NCAPH2: variants seen among roughly 807,000 people sequenced by gnomAD.
NCAPH2 encodes the protein condensin-2 complex subunit H2.
Under a neutral mutation model 88.6 loss-of-function variants are expected in NCAPH2, and 56 were observed. That is an observed-to-expected ratio of 0.63 (90% CI 0.51 to 0.79). NCAPH2 has a LOEUF of 0.79. Ranked by LOEUF, NCAPH2 falls within the 30% of genes least tolerant of loss-of-function variation. The pLI is 0.00. For missense variants in NCAPH2, 794 were observed against 792.0 expected (o/e 1.00, Z -0.03); for synonymous variants, 378 against 313.6 (o/e 1.21, Z -2.17).
intron 1 of NCAPH2, among the ~76,000 whole-genome samples, chr22:50,509,007 C>T (rs374560652): frequency 3.9e-5 from 6 of 152,332 alleles, no homozygotes; most frequent in East Asian, 3.9e-4. Flanking sequence ...TGTTTCTTGT[C>T]TTGATCAGCA....
At chr22:50,511,470 T>C (rs1318735489) in intron 1 of NCAPH2, among the ~76,000 whole-genome samples, 1 of 141,510 alleles carries the variant, frequency 7.1e-6, no homozygotes, top group Non-Finnish European at 1.5e-5. Context: ...TTTGTATTTT[T>C]TTAGTAGAGA....
At chr22:50,510,817 C>G (rs6009976) in intron 1 of NCAPH2, among the ~76,000 whole-genome samples, 1 of 151,850 alleles carries the variant, frequency 6.6e-6, no homozygotes, top group Admixed American at 6.6e-5. Context: ...CAGCACCTTA[C>G]ACACTTTAGA....
Position 50,508,417 on chromosome 22 carries a change from C to A in NCAPH2, c.80C>A (p.Ala27Glu). The A allele has an allele frequency of 7.7e-7, 1 of 1,306,540 alleles. No individual in the cohort carries two copies. The highest frequency in any genetic ancestry group is 3.3e-5 in the Admixed American group (1 of 29,920). The allele number at this position is 1,306,540 out of a possible 1,614,324, so 80.9% of individuals were successfully genotyped here. A position where few individuals can be genotyped will look rare whatever the true frequency, so the allele number is the denominator to read the frequency against. ...DLTKNWEVDV[A>E]AQLGEYLEEL... ...ACCAAGAACTGGGAGGTGGACGTGGCGGCCCAGCTGGGCGAGTATCTGGAG... is the reference window on the plus strand; with the variant it reads ...ACCAAGAACTGGGAGGTGGACGTGGAGGCCCAGCTGGGCGAGTATCTGGAG... Residue 27 changes from alanine to glutamate, a missense_variant, in exon 1 of 20, where the codon GCG becomes GAG. By Grantham distance (107) the Ala-to-Glu change is moderately radical. Transcript: ENST00000420993.
At chr22:50,522,439 G>T in intron 15 of NCAPH2, 24 bp downstream of exon 15, 1 of 1,612,556 alleles carries the variant, frequency 6.2e-7, no homozygotes, top group African/African-American at 1.3e-5. Flanking sequence ...AGGGGGTGGG[G>T]TGGGGCTTGG....
rs3829984 is a variant in NCAPH2 at position 50,508,269 on chromosome 22, C to A, written c.-69C>A. ...AGCAAAATGGCGCCAGAACTAGTGG[C>A]GGGCTGAGGACGCCGTACCCCTCGG... On this transcript the variant is annotated 5_prime_UTR_variant, in exon 1 of 20. Coordinates refer to ENST00000420993, the MANE Select transcript of NCAPH2 (RefSeq NM_152299.4). 8.5e-7 allele frequency: 1 copy of A among 1,175,380 alleles called. No homozygotes were observed. Among genetic ancestry groups the A allele is most frequent in the East Asian group, 3.2e-5 (1 of 31,682 alleles). The allele number at this position is 1,175,380 out of a possible 1,614,324, so 72.8% of individuals were successfully genotyped here.
intron 1 of NCAPH2, among the ~76,000 whole-genome samples, chr22:50,508,941 T>C (rs563124371): frequency 1.3e-5 from 2 of 152,312 alleles, no homozygotes; most frequent in East Asian, 1.9e-4. Flanking sequence ...TGCTCCATAT[T>C]TGCGCTTCAT....
intron 9 of NCAPH2, 194 bp from the exon 10 acceptor site, chr22:50,520,771 C>G: frequency 1.7e-6 from 1 of 574,228 alleles, no homozygotes. Flanking sequence ...CCATGTTGGC[C>G]AGGCTGGTCT....
chr22:50,521,646 T>C lies in NCAPH2; in HGVS notation c.1000+37T>C, dbSNP rs758906016. 11 of 1,577,554 alleles carry C rather than the reference T, an allele frequency of 7.0e-6. No homozygotes were observed. In the African/African-American group the frequency reaches 9.4e-5, roughly 14 times the overall value. On this transcript the variant is annotated intron_variant, in intron 11 of 19. Transcript: ENST00000420993. ...GAAGGTACCTCCACTCAGGTACCCC[T>C]GGCTGGGTTTCCTGGGGCATGAGGT...
chr22:50,513,070 C>T (rs2068828355), intron 1 of NCAPH2, among the ~76,000 whole-genome samples: 1 of 152,244 alleles, frequency 6.6e-6, no homozygotes, highest in African/African-American at 2.4e-5. Flanking sequence ...TTGGTGTTTA[C>T]TTGTGTTAAG....
At chr22:50,517,523 C>T (rs758663307) in intron 3 of NCAPH2, 41 bp downstream of exon 3, 31 of 1,613,876 alleles carry the variant, frequency 1.9e-5, no homozygotes, top group South Asian at 4.4e-5. Context: ...CTGCATGTGG[C>T]CAGGGAGGCC....
chr22:50,524,626 GTCC>G lies in NCAPH2; in HGVS notation c.*1254_*1256del. 1.4e-6 allele frequency: 1 copy of G among 709,566 alleles called. No homozygotes were observed. The highest frequency in any genetic ancestry group is 2.6e-6 in the Non-Finnish European group (1 of 380,878). 44.0% of individuals were successfully genotyped at this position (709,566 alleles called of 1,614,324 possible). A position where few individuals can be genotyped will look rare whatever the true frequency, so the allele number is the denominator to read the frequency against. ...CTGGGCAACCACACCTGTCACTCCT[GTCC>G]TCTACCTGGGATCACCAGCCTGTCA... On this transcript the variant is annotated 3_prime_UTR_variant, in exon 20 of 20. Transcript: ENST00000420993.
intron 1 of NCAPH2, among the ~76,000 whole-genome samples, chr22:50,512,777 C>T (rs553248889): frequency 6.6e-6 from 1 of 152,084 alleles, no homozygotes; most frequent in Non-Finnish European, 1.5e-5. Flanking sequence ...AACTCCCAAG[C>T]TCAAGTGATC....
At chr22:50,509,947 T>TTGAGACGGAGTCTCACTC (rs2068740090) in intron 1 of NCAPH2, among the ~76,000 whole-genome samples, 2 of 152,326 alleles carry the variant, frequency 1.3e-5, no homozygotes, top group East Asian at 3.9e-4. Context: ...TTTATATATT[T>TTGAGACGGAGTCTCACTC]TGAGACGGAG....
chr22:50,519,494 G>A (rs1413464339), intron 9 of NCAPH2, 174 bp downstream of exon 9: 2 of 1,434,224 alleles, frequency 1.4e-6, no homozygotes, highest in Admixed American at 2.9e-5. Context: ...CTTTTGAAGA[G>A]CAGCTTCTGT....
Position 50,517,590 on chromosome 22 carries a change from C to T in NCAPH2, c.280C>T (p.Leu94Phe), listed in dbSNP as rs1008858456. The change falls in exon 4 of 20, where the codon CTC (leucine) becomes TTC (phenylalanine). Residue 94 changes from leucine (L) to phenylalanine (F), a missense_variant. Leu to Phe is a conservative substitution (Grantham distance 22). This residue lies in a region of NCAPH2 where 735 missense variants were observed against 696.3 expected (regional missense o/e 1.06). Coordinates refer to ENST00000420993, the MANE Select transcript of NCAPH2 (RefSeq NM_152299.4). ...CTTCTCTCTCAGGCGGGCCAAGCAG[C>T]TCTCTTCGGTGCAGGAGGACAGGGC... ...FISGKRRAKQ[L>F]SSVQEDRANG... 1.9e-6 allele frequency: 3 copies of T among 1,614,004 alleles called. No homozygotes were observed. The highest frequency in any genetic ancestry group is 1.3e-5 in the African/African-American group (1 of 74,958).
Position 50,508,260 on chromosome 22 carries a change from A to G in NCAPH2, c.-78A>G. On this transcript the variant is annotated 5_prime_UTR_variant, in exon 1 of 20. Coordinates refer to ENST00000420993, the MANE Select transcript of NCAPH2 (RefSeq NM_152299.4). ...GGCGGGAACAGCAAAATGGCGCCAG[A>G]ACTAGTGGCGGGCTGAGGACGCCGT... 9.1e-7 allele frequency: 1 copy of G among 1,095,324 alleles called. No homozygotes were observed. The highest frequency in any genetic ancestry group is 1.6e-5 in the South Asian group (1 of 63,080). The allele number at this position is 1,095,324 out of a possible 1,614,324, so 67.9% of individuals were successfully genotyped here.
chr22:50,517,558 G>A lies in NCAPH2; in HGVS notation c.267-19G>A. On this transcript the variant is annotated intron_variant, in intron 3 of 19. Transcript: ENST00000420993. ...CCCTGCAGCTCCTGGGATGCCCACG[G>A]GATGTGCTTCTCTCTCAGGCGGGCC... 6.2e-7 allele frequency: 1 copy of A among 1,614,070 alleles called. No homozygotes were observed. The highest frequency in any genetic ancestry group is 2.2e-5 in the East Asian group (1 of 44,878).
intron 9 of NCAPH2, 113 bp from the exon 10 acceptor site, chr22:50,520,852 C>T (rs926493400): frequency 8.1e-7 from 1 of 1,234,004 alleles, no homozygotes; most frequent in Non-Finnish European, 1.1e-6. Context: ...CATGAGCCAC[C>T]ACGCCCGACC....
intron 7 of NCAPH2, 110 bp from the exon 8 acceptor site, chr22:50,518,539 T>G (rs928419069): frequency 8.4e-7 from 1 of 1,188,972 alleles, no homozygotes. Flanking sequence ...GCCTGGAGTC[T>G]GCTGGTCTCT....
Sources: allele counts gnomAD v4.1 joint callset (sites outside exome capture counted in the v4.1 genomes callset), GRCh38; gene constraint gnomAD v4.1.1; regional missense constraint gnomAD v4.1.1; transcripts MANE v1.5; gene names NCBI Gene and HGNC (gene_info 2026-07-23, HGNC 2026-07-21).